MYO1D: variants seen among roughly 807,000 people sequenced by gnomAD.
MYO1D encodes the protein myosin ID.
MYO1D carries 83 observed loss-of-function variants against 122.0 expected under a neutral mutation model. The ratio of observed to expected loss-of-function variants is 0.68; its 90% CI spans 0.57 to 0.82. The LOEUF (loss-of-function observed/expected upper bound fraction) is 0.82, where lower values mean the gene tolerates loss of function less well. Ranked by LOEUF, MYO1D falls within the 40% of genes least tolerant of loss-of-function variation. The pLI is 0.00. For missense variants in MYO1D, 1,157 were observed against 1,269.5 expected, an observed-to-expected ratio of 0.91 and a Z score of 1.35; for synonymous variants, 464 against 446.9, an observed-to-expected ratio of 1.04 and a Z score of -0.48.
intron 21 of MYO1D, among the ~76,000 whole-genome samples, chr17:32,552,010 A>T (rs979730000): frequency 1.3e-5 from 2 of 152,246 alleles, no homozygotes; most frequent in Non-Finnish European, 2.9e-5. Flanking sequence ...AAGTTAAAAT[A>T]AACTATCCAT....
At chr17:32,737,085 A>G (rs1162924984) in intron 14 of MYO1D, among the ~76,000 whole-genome samples, 1 of 152,250 alleles carries the variant, frequency 6.6e-6, no homozygotes, top group African/African-American at 2.4e-5. Context: ...TGAAGTAACC[A>G]GAAACAGTAT....
chr17:32,843,373 A>C (rs1229981649), intron 1 of MYO1D, among the ~76,000 whole-genome samples: 1 of 152,200 alleles, frequency 6.6e-6, no homozygotes, highest in Non-Finnish European at 1.5e-5. Context: ...ATAAAGAACA[A>C]ACTCCGACGA....
chr17:32,720,582 TA>T (rs1408067063), intron 15 of MYO1D, among the ~76,000 whole-genome samples: 1 of 152,204 alleles, frequency 6.6e-6, no homozygotes, highest in Non-Finnish European at 1.5e-5. Flanking sequence ...CAGTGTTAAT[TA>T]AATAGCTATG....
intron 21 of MYO1D, among the ~76,000 whole-genome samples, chr17:32,511,728 A>G (rs1362923998): frequency 1.3e-5 from 2 of 151,288 alleles, no homozygotes; most frequent in Non-Finnish European, 2.9e-5. Flanking sequence ...TTTATTTTCT[A>G]TTCACATCAT....
chr17:32,704,397 C>T (rs1598024137), intron 16 of MYO1D, among the ~76,000 whole-genome samples: 1 of 152,218 alleles, frequency 6.6e-6, no homozygotes, highest in Non-Finnish European at 1.5e-5. Context: ...ACAAAGAGTG[C>T]TCTAAAAAAT....
chr17:32,537,009 C>G (rs925054491), intron 21 of MYO1D, among the ~76,000 whole-genome samples: 13 of 152,192 alleles, frequency 8.5e-5, no homozygotes, highest in Admixed American at 3.9e-4. Flanking sequence ...AGACGTTTCT[C>G]TGTTCTGTCT....
At chr17:32,571,249 AAACG>A (rs751977155) in intron 21 of MYO1D, among the ~76,000 whole-genome samples, 1 of 152,156 alleles carries the variant, frequency 6.6e-6, no homozygotes. Context: ...GGAAGCAGGC[AAACG>A]AACGGGTAAA....
chr17:32,819,071 C>A (rs2090638273), intron 1 of MYO1D, among the ~76,000 whole-genome samples: 1 of 152,166 alleles, frequency 6.6e-6, no homozygotes, highest in African/African-American at 2.4e-5. Context: ...AAAGTAACTA[C>A]AGATGGCTAT....
At chr17:32,696,808 T>A (rs568251419) in intron 16 of MYO1D, among the ~76,000 whole-genome samples, 1 of 152,192 alleles carries the variant, frequency 6.6e-6, no homozygotes, top group South Asian at 2.1e-4. Flanking sequence ...AATATTTGTT[T>A]GAATATTTTT....
chr17:32,771,520 A>T (rs192190140), intron 5 of MYO1D, among the ~76,000 whole-genome samples: 2 of 152,288 alleles, frequency 1.3e-5, no homozygotes, highest in East Asian at 3.9e-4. Flanking sequence ...GTAAAACAGG[A>T]TCCTATGCTC....
intron 19 of MYO1D, among the ~76,000 whole-genome samples, chr17:32,642,888 C>A (rs1235790248): frequency 3.3e-5 from 5 of 152,156 alleles, no homozygotes; most frequent in African/African-American, 9.7e-5. Flanking sequence ...AATTTGACTT[C>A]CTCTTTTCCT....
chr17:32,841,776 CAGGA>C (rs67047584), intron 1 of MYO1D, among the ~76,000 whole-genome samples: 61,639 of 151,378 alleles, frequency 0.41, 12,799 homozygotes, highest in East Asian at 0.53. Flanking sequence ...CCTATTGCAA[CAGGA>C]AGGAAGGAAG....
intron 21 of MYO1D, among the ~76,000 whole-genome samples, chr17:32,520,003 A>T (rs1268010857): frequency 6.6e-6 from 1 of 152,098 alleles, no homozygotes; most frequent in Non-Finnish European, 1.5e-5. Context: ...GGAAACCCTG[A>T]AGACTCAGGC....
At chr17:32,739,583 T>G (rs2089750310) in intron 13 of MYO1D, among the ~76,000 whole-genome samples, 1 of 151,524 alleles carries the variant, frequency 6.6e-6, no homozygotes, top group African/African-American at 2.4e-5. Context: ...ATGGCGCATG[T>G]ATACATATGT....
At chr17:32,590,993 C>A (rs2150905374) in intron 21 of MYO1D, among the ~76,000 whole-genome samples, 1 of 152,316 alleles carries the variant, frequency 6.6e-6, no homozygotes, top group African/African-American at 2.4e-5. Context: ...ACATAAAAGA[C>A]AATGATGAAC....
intron 1 of MYO1D, among the ~76,000 whole-genome samples, chr17:32,805,324 A>G (rs1331570495): frequency 6.6e-6 from 1 of 152,218 alleles, no homozygotes; most frequent in Non-Finnish European, 1.5e-5. Context: ...AGGGAAATAA[A>G]AAGTACATTA....
intron 14 of MYO1D, among the ~76,000 whole-genome samples, chr17:32,721,977 A>G (rs986083128): frequency 6.6e-6 from 1 of 152,232 alleles, no homozygotes; most frequent in Non-Finnish European, 1.5e-5. Context: ...TCTGTTATCT[A>G]TCAGACACAC....
chr17:32,518,942 C>G (rs1909997769), intron 21 of MYO1D: 1 of 152,284 alleles, frequency 6.6e-6, no homozygotes, highest in Non-Finnish European at 1.5e-5. Flanking sequence ...TCTCTGCGGC[C>G]CGGGTAGGGG....
At chr17:32,832,416 C>G (rs2090780524) in intron 1 of MYO1D, among the ~76,000 whole-genome samples, 1 of 151,928 alleles carries the variant, frequency 6.6e-6, no homozygotes, top group South Asian at 2.1e-4. Flanking sequence ...TCTCCTGCCT[C>G]AGCCTCCCGA....
Sources: gnomAD v4.1 joint callset for allele counts (sites outside exome capture counted in the v4.1 genomes callset) on GRCh38, gnomAD v4.1.1 for gene constraint, MANE v1.5 for transcripts, NCBI Gene and HGNC (gene_info 2026-07-23, HGNC 2026-07-21) for gene names.